Variants in DLG2 observed in about 807,000 individuals in gnomAD.
DLG2 encodes disks large homolog 2.
In DLG2, 45 loss-of-function variants were observed where a neutral mutation model predicts 132.5. The ratio of observed to expected loss-of-function variants is 0.34; its 90% CI spans 0.27 to 0.44. The LOEUF (loss-of-function observed/expected upper bound fraction) is 0.44. Among genes scored for constraint, DLG2 ranks in the 20% least tolerant of loss-of-function variants. DLG2 has a pLI of 1.00. For synonymous variants in DLG2, 424 were observed against 419.6 expected (o/e 1.01, Z -0.13); for missense variants, 1,045 against 1,196.9 (o/e 0.87, Z 1.87).
chr11:84,577,614 T>C (rs1031933989), intron 6 of DLG2, among the ~76,000 whole-genome samples: 1 of 152,108 alleles, frequency 6.6e-6, no homozygotes, highest in African/African-American at 2.4e-5. Flanking sequence ...CGGAAAAAAA[T>C]TTTAAGCAGC....
chr11:84,764,777 CTG>C (rs1446653771), intron 6 of DLG2, among the ~76,000 whole-genome samples: 1 of 152,066 alleles, frequency 6.6e-6, no homozygotes, highest in East Asian at 1.9e-4. Context: ...ATTGTAGACA[CTG>C]TGCTTAGTTT....
intron 10 of DLG2, among the ~76,000 whole-genome samples, chr11:84,085,559 T>C (rs2096965075): frequency 6.6e-6 from 1 of 152,208 alleles, no homozygotes; most frequent in African/African-American, 2.4e-5. Flanking sequence ...AATTAGAATA[T>C]GATTTTAAAA....
intron 14 of DLG2, among the ~76,000 whole-genome samples, chr11:83,935,467 C>T (rs771167774): frequency 6.6e-6 from 1 of 152,136 alleles, no homozygotes; most frequent in African/African-American, 2.4e-5. Context: ...AAGAGGCTGA[C>T]TTCTCTTATA....
chr11:84,613,467 T>C (rs1021340754), intron 6 of DLG2, among the ~76,000 whole-genome samples: 11 of 152,056 alleles, frequency 7.2e-5, no homozygotes, highest in Admixed American at 5.9e-4. Context: ...TTGGAACCTC[T>C]CTGAGATTTG....
chr11:84,992,158 T>A (rs1002739771), intron 6 of DLG2, among the ~76,000 whole-genome samples: 6 of 152,180 alleles, frequency 3.9e-5, no homozygotes, highest in Non-Finnish European at 8.8e-5. Context: ...AACTTACTCA[T>A]GCGTCTTTTT....
intron 7 of DLG2, among the ~76,000 whole-genome samples, chr11:84,275,948 G>A (rs771406393): frequency 2.6e-5 from 4 of 152,148 alleles, no homozygotes; most frequent in Non-Finnish European, 5.9e-5. Flanking sequence ...TCTGAGAAAG[G>A]AAAGGTACAG....
At chr11:83,801,120 A>G (rs746143997) in intron 17 of DLG2, among the ~76,000 whole-genome samples, 18 of 152,122 alleles carry the variant, frequency 1.2e-4, no homozygotes, top group Non-Finnish European at 2.4e-4. Context: ...CCACTGAATC[A>G]AGAACCTCCA....
intron 6 of DLG2, among the ~76,000 whole-genome samples, chr11:85,053,938 T>C (rs1276924787): frequency 6.6e-6 from 1 of 151,026 alleles, no homozygotes; most frequent in Non-Finnish European, 1.5e-5. Flanking sequence ...GTAACGAACA[T>C]ATGAAAAAAT....
intron 6 of DLG2, among the ~76,000 whole-genome samples, chr11:84,855,429 C>A (rs1031898257): frequency 4.6e-5 from 7 of 152,032 alleles, no homozygotes; most frequent in Non-Finnish European, 8.8e-5. Context: ...AAACAGCAGA[C>A]AGGCATGAGA....
chr11:83,761,313 T>A (rs2093897058), intron 18 of DLG2, among the ~76,000 whole-genome samples: 1 of 152,228 alleles, frequency 6.6e-6, no homozygotes, highest in Admixed American at 6.5e-5. Context: ...CTCTCAAGTG[T>A]TAATACATCT....
At chr11:83,484,043 C>T (rs1024180993) in intron 22 of DLG2, 86 bp downstream of exon 22, 12 of 1,058,334 alleles carry the variant, frequency 1.1e-5, no homozygotes, top group African/African-American at 3.2e-5. Context: ...AGGTGTGTGG[C>T]GTGGGAGAGC....
chr11:84,566,740 T>C (rs1292237314), intron 6 of DLG2, among the ~76,000 whole-genome samples: 1 of 152,164 alleles, frequency 6.6e-6, no homozygotes, highest in Non-Finnish European at 1.5e-5. Context: ...CTGTTTGTAG[T>C]CAAGAGGAAG....
chr11:84,502,266 C>CTTT (rs2099215103), intron 7 of DLG2, among the ~76,000 whole-genome samples: 2 of 49,394 alleles, frequency 4.0e-5, no homozygotes, highest in South Asian at 9.4e-4. Flanking sequence ...TTCCTTCCTT[C>CTTT]CTTCCTTCCT....
chr11:83,768,544 A>T (rs1465842228), intron 18 of DLG2, among the ~76,000 whole-genome samples: 5 of 152,168 alleles, frequency 3.3e-5, no homozygotes, highest in Non-Finnish European at 5.9e-5. Context: ...CCAGTTTTAA[A>T]CCATAATCAC....
chr11:84,885,588 T>C (rs890332055), intron 6 of DLG2, among the ~76,000 whole-genome samples: 8 of 152,128 alleles, frequency 5.3e-5, no homozygotes, highest in African/African-American at 1.9e-4. Context: ...TTACTGGCTC[T>C]GTGAGGTCAG....
At chr11:83,664,574 T>C (rs886697333) in intron 18 of DLG2, among the ~76,000 whole-genome samples, 1 of 152,120 alleles carries the variant, frequency 6.6e-6, no homozygotes, top group Non-Finnish European at 1.5e-5. Flanking sequence ...TGGAATTAAA[T>C]GAGGGAAAAC....
At chr11:84,746,798 C>T (rs1455602996) in intron 6 of DLG2, among the ~76,000 whole-genome samples, 1 of 152,136 alleles carries the variant, frequency 6.6e-6, no homozygotes, top group Non-Finnish European at 1.5e-5. Context: ...TTCGGGCCCA[C>T]TTCCCTGCCA....
intron 10 of DLG2, among the ~76,000 whole-genome samples, chr11:84,098,190 C>G (rs1447413794): frequency 2.0e-5 from 3 of 152,082 alleles, no homozygotes; most frequent in African/African-American, 7.2e-5. Flanking sequence ...AGGTACCCAC[C>G]ACCATGCCCA....
intron 18 of DLG2, among the ~76,000 whole-genome samples, chr11:83,772,466 G>GAGGGAGGA (rs2094435697): frequency 1.5e-5 from 2 of 130,974 alleles, no homozygotes; most frequent in African/African-American, 2.7e-5. Flanking sequence ...GGGAGGGAGG[G>GAGGGAGGA]AGGAAGGAAG....
Sources: gnomAD v4.1 joint callset for allele counts (sites outside exome capture counted in the v4.1 genomes callset) on GRCh38, gnomAD v4.1.1 for gene constraint, MANE v1.5 for transcripts, NCBI Gene and HGNC (gene_info 2026-07-23, HGNC 2026-07-21) for gene names.